Variants in TAFA2 observed in about 807,000 individuals in gnomAD.
The protein encoded by TAFA2 is TAFA chemokine like family member 2, also known as chemokine-like protein TAFA-2.
A neutral mutation model predicts 18.8 loss-of-function variants in TAFA2; 7 were observed. That is an observed-to-expected ratio of 0.37 (90% confidence interval 0.21 to 0.70). The LOEUF (loss-of-function observed/expected upper bound fraction) is 0.70, where lower values mean the gene tolerates loss of function less well. Ranked by LOEUF, TAFA2 falls within the 30% of genes least tolerant of loss-of-function variation. The pLI is 0.53. For synonymous variants in TAFA2, 60 were observed against 54.2 expected, an observed-to-expected ratio of 1.11 and a Z score of -0.47; for missense variants, 122 against 158.1, an observed-to-expected ratio of 0.77 and a Z score of 1.23.
At chr12:62,190,639 C>T (rs760549857) in intron 1 of TAFA2, among the ~76,000 whole-genome samples, 6 of 152,180 alleles carry the variant, frequency 3.9e-5, no homozygotes, top group Admixed American at 6.5e-5. Flanking sequence ...GCGCCCCGTC[C>T]CAAATCTAAA....
chr12:61,814,667 C>A (rs7308204), intron 2 of TAFA2, among the ~76,000 whole-genome samples: 52,005 of 150,894 alleles, frequency 0.34, 9,664 homozygotes, highest in Non-Finnish European at 0.39. Flanking sequence ...AGGGACTTTG[C>A]AGATATTTTT....
intron 1 of TAFA2, among the ~76,000 whole-genome samples, chr12:61,884,295 G>C (rs1203654693): frequency 6.6e-6 from 1 of 152,076 alleles, no homozygotes; most frequent in Non-Finnish European, 1.5e-5. Context: ...GAGGCACTGG[G>C]GGACTGCAAA....
intron 1 of TAFA2, among the ~76,000 whole-genome samples, chr12:62,242,240 T>C (rs565613467): frequency 2.8e-4 from 42 of 152,258 alleles, no homozygotes; most frequent in African/African-American, 1.0e-3. Context: ...ACATATTTTA[T>C]GAATATTTTG....
chr12:61,747,854 T>C (rs1868804881), intron 4 of TAFA2, among the ~76,000 whole-genome samples: 1 of 151,012 alleles, frequency 6.6e-6, no homozygotes, highest in Non-Finnish European at 1.5e-5. Context: ...ACCCTAAAAC[T>C]TAAAAGTATA....
Position 61,974,038 on chromosome 12 carries a change from A to G in TAFA2, c.-1-106612T>C, listed in dbSNP as rs145266805. 3.2e-4 allele frequency among the ~76,000 whole-genome samples: 49 copies of G among 151,880 alleles called. 1 individual carries two copies. In the East Asian group the frequency reaches 9.1e-3, roughly 28 times the overall value. On this transcript the variant is annotated intron_variant, in intron 1 of 4. Coordinates refer to ENST00000416284, the MANE Select transcript of TAFA2 (RefSeq NM_178539.5). ...ATGTGTATTATGTTATGTAAAGGTAATGACACTCTAGTAAGTAGACCAGCT... is the reference window on the plus strand; with the variant it reads ...ATGTGTATTATGTTATGTAAAGGTAGTGACACTCTAGTAAGTAGACCAGCT...
chr12:61,827,890 A>T (rs556192704), intron 2 of TAFA2, among the ~76,000 whole-genome samples: 1 of 152,136 alleles, frequency 6.6e-6, no homozygotes, highest in South Asian at 2.1e-4. Flanking sequence ...ATGACTCTTT[A>T]GTCCTTGCTT....
intron 2 of TAFA2, among the ~76,000 whole-genome samples, chr12:61,796,969 CCT>C (rs780769354): frequency 1.3e-5 from 2 of 152,120 alleles, no homozygotes; most frequent in South Asian, 4.1e-4. Flanking sequence ...CCTCATTATA[CCT>C]CTCTCAAACA....
intron 2 of TAFA2, among the ~76,000 whole-genome samples, chr12:61,842,522 A>T (rs1005297690): frequency 2.6e-5 from 4 of 152,060 alleles, no homozygotes; most frequent in Non-Finnish European, 5.9e-5. Context: ...AAGTTTATTC[A>T]GGTTTGTGAG....
chr12:62,116,543 GC>G (rs2136872737), intron 1 of TAFA2, among the ~76,000 whole-genome samples: 1 of 152,274 alleles, frequency 6.6e-6, no homozygotes, highest in African/African-American at 2.4e-5. Context: ...TAAGAAGGAA[GC>G]CTTTAGTCCT....
intron 4 of TAFA2, among the ~76,000 whole-genome samples, chr12:61,712,854 T>G (rs1049539191): frequency 6.6e-6 from 1 of 152,126 alleles, no homozygotes; most frequent in Non-Finnish European, 1.5e-5. Context: ...GGACACATGG[T>G]GATTCGGCAT....
chr12:61,953,591 A>C (rs1469240899), intron 1 of TAFA2, among the ~76,000 whole-genome samples: 1 of 43,016 alleles, frequency 2.3e-5, no homozygotes, highest in Non-Finnish European at 5.6e-5. Flanking sequence ...ACCTATACAA[A>C]AAAAAAATGT....
intron 1 of TAFA2, among the ~76,000 whole-genome samples, chr12:62,104,020 T>C (rs1431680931): frequency 1.3e-5 from 2 of 152,220 alleles, no homozygotes; most frequent in East Asian, 3.8e-4. Flanking sequence ...GCATAAATCA[T>C]TCCTGTACCA....
At chr12:61,881,126 AG>A (rs1875117740) in intron 1 of TAFA2, among the ~76,000 whole-genome samples, 1 of 152,200 alleles carries the variant, frequency 6.6e-6, no homozygotes, top group Non-Finnish European at 1.5e-5. Flanking sequence ...CTATGAAAAA[AG>A]ATGCCTTGGC....
intron 1 of TAFA2, among the ~76,000 whole-genome samples, chr12:62,156,210 A>G (rs1446134778): frequency 3.9e-5 from 6 of 152,216 alleles, no homozygotes; most frequent in Admixed American, 6.5e-5. Context: ...AACATCACTA[A>G]TGATTAGGGA....
intron 1 of TAFA2, among the ~76,000 whole-genome samples, chr12:61,989,689 C>A (rs1022976171): frequency 6.6e-6 from 1 of 152,118 alleles, no homozygotes; most frequent in African/African-American, 2.4e-5. Context: ...GTGTATCTGG[C>A]AAGCTTCCAA....
At chr12:62,161,894 C>G (rs1295070527) in intron 1 of TAFA2, among the ~76,000 whole-genome samples, 1 of 151,780 alleles carries the variant, frequency 6.6e-6, no homozygotes, top group Non-Finnish European at 1.5e-5. Context: ...TTTTTATGAC[C>G]AGAAATATGT....
intron 4 of TAFA2, among the ~76,000 whole-genome samples, chr12:61,730,547 T>C (rs1281269619): frequency 5.9e-5 from 9 of 151,988 alleles, no homozygotes; most frequent in Admixed American, 2.0e-4. Context: ...CAGGGTTAGG[T>C]GTGTCTGATC....
At chr12:62,060,264 A>G (rs1882309336) in intron 1 of TAFA2, among the ~76,000 whole-genome samples, 1 of 152,222 alleles carries the variant, frequency 6.6e-6, no homozygotes, top group Non-Finnish European at 1.5e-5. Flanking sequence ...AAATACAATC[A>G]TGCATCACAT....
At chr12:61,902,437 T>A (rs1876147661) in intron 1 of TAFA2, among the ~76,000 whole-genome samples, 3 of 152,214 alleles carry the variant, frequency 2.0e-5, no homozygotes, top group African/African-American at 7.2e-5. Context: ...CTTCCTGGCC[T>A]CTCTGTAACA....
Sources: allele counts gnomAD v4.1 joint callset (sites outside exome capture counted in the v4.1 genomes callset), GRCh38; gene constraint gnomAD v4.1.1; transcripts MANE v1.5; gene names NCBI Gene and HGNC (gene_info 2026-07-23, HGNC 2026-07-21).